Variants in TANC2 observed in about 807,000 individuals in gnomAD.
TANC2 encodes the protein tetratricopeptide repeat, ankyrin repeat and coiled-coil containing 2, also known as protein TANC2.
Under a neutral mutation model 210.5 loss-of-function variants are expected in TANC2, and 26 were observed. The observed-to-expected ratio is 0.12, with a 90% CI of 0.09 to 0.17. The LOEUF is 0.17. Among genes scored for constraint, TANC2 ranks in the 10% least tolerant of loss-of-function variants. The pLI is 1.00. For missense variants in TANC2, 2,129 were observed against 2,608.9 expected, an observed-to-expected ratio of 0.82 and a Z score of 4.01; for synonymous variants, 931 against 967.1, an observed-to-expected ratio of 0.96 and a Z score of 0.69.
At chr17:63,208,920 T>C (rs143990515) in intron 7 of TANC2, among the ~76,000 whole-genome samples, 1 of 152,206 alleles carries the variant, frequency 6.6e-6, no homozygotes, top group African/African-American at 2.4e-5. Flanking sequence ...TATACAACCA[T>C]ATTGTTTGCA....
At position 63,155,705 on chromosome 17, in the gene TANC2, C is replaced by T. The variant is rs986251490; in HGVS notation, c.433+4325C>T. On this transcript the variant is annotated intron_variant, in intron 5 of 27. Transcript: ENST00000689528. ...GGATTCTTTTAAATCTCTTAAAAAA[C>T]GGTAGTGTCTTTCAAAGGACAGTGT... Among the ~76,000 whole-genome samples the T allele has an allele frequency of 3.3e-5, 5 of 152,142 alleles. No homozygotes were observed. In the East Asian group the frequency reaches 7.7e-4, roughly 23 times the overall value.
chr17:63,020,983 C>T (rs1568323519), intron 2 of TANC2, among the ~76,000 whole-genome samples: 1 of 152,076 alleles, frequency 6.6e-6, no homozygotes, highest in African/African-American at 2.4e-5. Flanking sequence ...GTAGAACTCC[C>T]TCATTACCAT....
intron 3 of TANC2, 131 bp from the exon 4 acceptor site, chr17:63,099,044 C>T: frequency 1.2e-6 from 1 of 864,170 alleles, no homozygotes; most frequent in Non-Finnish European, 1.9e-6. Flanking sequence ...GAAATGAATG[C>T]ATGTAGTGAA....
Position 63,204,702 on chromosome 17 carries a change from G to A in TANC2, c.769+3745G>A, listed in dbSNP as rs114605992. 8.5e-3 allele frequency among the ~76,000 whole-genome samples: 1,299 copies of A among 152,192 alleles called. 16 individuals carry two copies. The highest frequency in any genetic ancestry group is 0.029 in the African/African-American group (1,190 of 41,516). On this transcript the variant is annotated intron_variant, in intron 7 of 27. Transcript: ENST00000689528. ...TAAAGGACTCTAAATAGCCAAAACA[G>A]TCTTGAAAAAGAGCAAAATTGGACG...
chr17:63,300,076 A>G (rs2044663289), intron 9 of TANC2, among the ~76,000 whole-genome samples: 1 of 152,154 alleles, frequency 6.6e-6, no homozygotes, highest in Non-Finnish European at 1.5e-5. Flanking sequence ...CAGGTTTGTC[A>G]AAGATCAGAT....
intron 9 of TANC2, among the ~76,000 whole-genome samples, chr17:63,293,171 A>G (rs2044433147): frequency 6.6e-6 from 1 of 152,210 alleles, no homozygotes; most frequent in South Asian, 2.1e-4. Context: ...AAGAATAAAC[A>G]GACTTGACTC....
At chr17:63,092,404 T>C (rs2037232465) in intron 3 of TANC2, among the ~76,000 whole-genome samples, 1 of 152,110 alleles carries the variant, frequency 6.6e-6, no homozygotes. Context: ...TTTTAGCCAT[T>C]TTACTAGGTG....
At chr17:63,049,420 G>A (rs1485614056) in intron 2 of TANC2, among the ~76,000 whole-genome samples, 1 of 152,126 alleles carries the variant, frequency 6.6e-6, no homozygotes, top group African/African-American at 2.4e-5. Context: ...GCATGATTGG[G>A]GGGACAGTTA....
intron 1 of TANC2, among the ~76,000 whole-genome samples, chr17:62,994,147 G>C (rs575979145): frequency 1.3e-5 from 2 of 151,850 alleles, no homozygotes; most frequent in Non-Finnish European, 2.9e-5. Flanking sequence ...AGAACTTCAA[G>C]TACAATGGTG....
At chr17:63,037,830 A>G (rs148767318) in intron 2 of TANC2, among the ~76,000 whole-genome samples, 4 of 152,246 alleles carry the variant, frequency 2.6e-5, no homozygotes, top group African/African-American at 9.6e-5. Flanking sequence ...AAAATAAAAC[A>G]TAAGTATATG....
At chr17:63,214,675 C>A (rs1389982115) in intron 7 of TANC2, among the ~76,000 whole-genome samples, 1 of 152,132 alleles carries the variant, frequency 6.6e-6, no homozygotes, top group Non-Finnish European at 1.5e-5. Flanking sequence ...GGTACTAATC[C>A]CATTTGTGAG....
chr17:63,079,666 T>G (rs1356053652), intron 3 of TANC2, among the ~76,000 whole-genome samples: 2 of 152,204 alleles, frequency 1.3e-5, no homozygotes, highest in Non-Finnish European at 2.9e-5. Flanking sequence ...TGCCTGATAA[T>G]CTGCCCTGCC....
intron 9 of TANC2, chr17:63,313,241 T>G (rs2045190183): frequency 6.6e-6 from 1 of 152,184 alleles, no homozygotes; most frequent in Non-Finnish European, 1.5e-5. Flanking sequence ...ATTCTTTCCT[T>G]AAGCATTTTT....
intron 7 of TANC2, among the ~76,000 whole-genome samples, chr17:63,224,823 C>T (rs2042288097): frequency 6.6e-6 from 1 of 152,094 alleles, no homozygotes; most frequent in African/African-American, 2.4e-5. Context: ...GTGGTAGTCC[C>T]TTCTAATCTC....
At chr17:63,294,771 G>A (rs993564125) in intron 9 of TANC2, among the ~76,000 whole-genome samples, 2 of 152,166 alleles carry the variant, frequency 1.3e-5, no homozygotes, top group Non-Finnish European at 2.9e-5. Context: ...AATGCTTTTA[G>A]AAGGGTGGAG....
chr17:63,377,220 C>G (rs568282083), intron 14 of TANC2, among the ~76,000 whole-genome samples: 3 of 152,018 alleles, frequency 2.0e-5, no homozygotes, highest in African/African-American at 7.2e-5. Context: ...AGACATTTTC[C>G]CCATTGGCTT....
chr17:63,318,759 G>A (rs1233039173), intron 10 of TANC2, among the ~76,000 whole-genome samples, 198 bp from the exon 11 acceptor site: 1 of 152,120 alleles, frequency 6.6e-6, no homozygotes, highest in Non-Finnish European at 1.5e-5. Context: ...CATTTAGGTT[G>A]TTTCCACTTT....
At chr17:63,200,949 G>A in exon 7 of TANC2, 1 of 1,601,764 alleles carries the variant, frequency 6.2e-7, no homozygotes, top group Non-Finnish European at 8.5e-7. Context: ...AGAGATAGTG[G>A]CATCATTGGT....
intron 16 of TANC2, 103 bp from the exon 17 acceptor site, chr17:63,389,205 G>T: frequency 2.4e-6 from 2 of 833,768 alleles, no homozygotes; most frequent in Non-Finnish European, 3.7e-6. Context: ...ATTACTAAAT[G>T]CTACTAGACA....
Sources: allele counts gnomAD v4.1 joint callset (sites outside exome capture counted in the v4.1 genomes callset), GRCh38; gene constraint gnomAD v4.1.1; transcripts MANE v1.5; gene names NCBI Gene and HGNC (gene_info 2026-07-23, HGNC 2026-07-21).